The following CLRN1 variants were observed in gnomAD, a reference collection of about 807,000 sequenced individuals.
The protein encoded by CLRN1 is clarin 1.
In CLRN1, 15 loss-of-function variants were observed where a neutral mutation model predicts 18.7. The ratio of observed to expected loss-of-function variants is 0.80; its 90% CI spans 0.54 to 1.23. The LOEUF (loss-of-function observed/expected upper bound fraction) is 1.23. Ranked by LOEUF, CLRN1 falls within the 50% of genes most tolerant of loss-of-function variation. The probability of loss-of-function intolerance (pLI) is 0.00; values close to 1 mark genes in which losing one functional copy is unlikely to be tolerated. For synonymous variants in CLRN1, 104 were observed against 102.9 expected, an observed-to-expected ratio of 1.01 and a Z score of -0.07; for missense variants, 311 against 277.5, an observed-to-expected ratio of 1.12 and a Z score of -0.86.
At chr3:150,969,111 GA>G (rs113531568) in intron 1 of CLRN1, among the ~76,000 whole-genome samples, 9,161 of 136,600 alleles carry the variant, frequency 0.067, 500 homozygotes, top group East Asian at 0.15. Flanking sequence ...ACAGCGTCAA[GA>G]AAAAAAAAAA....
chr3:150,940,386 A>G (rs1713745884), intron 2 of CLRN1: 7 of 1,116,312 alleles, frequency 6.3e-6, no homozygotes, highest in South Asian at 1.7e-5. Flanking sequence ...TGTTAACTAC[A>G]GGCCTTTGTT....
chr3:150,940,665 CAA>C (rs1713765064), intron 2 of CLRN1: 2 of 694,590 alleles, frequency 2.9e-6, no homozygotes, highest in South Asian at 4.3e-5. Context: ...GATCTTTTTG[CAA>C]AGTTAGAATG....
chr3:150,948,030 C>G (rs892999335), intron 1 of CLRN1, among the ~76,000 whole-genome samples: 1 of 152,018 alleles, frequency 6.6e-6, no homozygotes, highest in Non-Finnish European at 1.5e-5. Flanking sequence ...TAGCACAAGA[C>G]AAGAAATAAC....
chr3:150,972,797 A>G, upstream of CLRN1: 1 of 1,581,084 alleles, frequency 6.3e-7, no homozygotes, highest in Non-Finnish European at 8.6e-7. Context: ...TGCATTTATT[A>G]CGGAAGCTGA....
intron 2 of CLRN1, among the ~76,000 whole-genome samples, chr3:150,936,013 T>G (rs1713463946): frequency 6.6e-6 from 1 of 152,060 alleles, no homozygotes; most frequent in African/African-American, 2.4e-5. Context: ...TCTTGTAAAT[T>G]TGTTTGAGTT....
intron 1 of CLRN1, among the ~76,000 whole-genome samples, chr3:150,967,254 G>A (rs1412862611): frequency 1.3e-5 from 2 of 152,200 alleles, no homozygotes; most frequent in Non-Finnish European, 2.9e-5. Flanking sequence ...TTATAATATA[G>A]TTGTTTTGAA....
At chr3:150,929,283 C>A (rs1220002205) in intron 2 of CLRN1, among the ~76,000 whole-genome samples, 1 of 152,216 alleles carries the variant, frequency 6.6e-6, no homozygotes, top group South Asian at 2.1e-4. Context: ...GTGTCTCCCC[C>A]GAAGATGGAC....
At position 150,926,805 on chromosome 3, in the gene CLRN1, T is replaced by C; in HGVS notation, c.*1131A>G. 1 of 1,614,058 alleles carries C rather than the reference T, an allele frequency of 6.2e-7. No individual in the cohort carries two copies. The highest frequency in any genetic ancestry group is 8.5e-7 in the Non-Finnish European group (1 of 1,180,018). On this transcript the variant is annotated 3_prime_UTR_variant, in exon 3 of 3. Transcript: ENST00000327047. Reference sequence around the variant, plus strand: ...CATTCTCTGCTTTTTCCTTGGTGCTTTCTGGAGGACAGCAGGTTGAGGATG... The same window carrying C: ...CATTCTCTGCTTTTTCCTTGGTGCTCTCTGGAGGACAGCAGGTTGAGGATG...
chr3:150,966,305 C>T (rs1457594135), intron 1 of CLRN1, among the ~76,000 whole-genome samples: 1 of 152,148 alleles, frequency 6.6e-6, no homozygotes, highest in East Asian at 1.9e-4. Flanking sequence ...CAGAGTGAGA[C>T]CCAGTCTCAA....
chr3:150,951,364 G>T (rs966601386), intron 1 of CLRN1, among the ~76,000 whole-genome samples: 2 of 151,936 alleles, frequency 1.3e-5, no homozygotes, highest in East Asian at 3.9e-4. Context: ...TTGAGACAGG[G>T]TCTCACTCCA....
At chr3:150,943,329 C>T (rs1203751249) in intron 1 of CLRN1, among the ~76,000 whole-genome samples, 1 of 152,154 alleles carries the variant, frequency 6.6e-6, no homozygotes, top group East Asian at 1.9e-4. Flanking sequence ...TAGAATGTTG[C>T]CTTTTCCAAA....
intron 1 of CLRN1, among the ~76,000 whole-genome samples, chr3:150,952,322 C>G (rs1035926835): frequency 2.0e-5 from 3 of 152,174 alleles, no homozygotes; most frequent in African/African-American, 7.2e-5. Flanking sequence ...CTAAGCGCAG[C>G]TCCCAGTCAG....
rs60393637 is a variant in CLRN1, at chr3:150,944,556, TAA to T, written c.254-2797_254-2796del. Among the ~76,000 whole-genome samples the T allele has an allele frequency of 0.48, 70,967 of 147,000 alleles. 18,047 individuals are homozygous for T. The highest frequency in any genetic ancestry group is 0.6 in the East Asian group (2,954 of 4,950). ...TTGGAGATGGAAGATAGGACTTGTT[TAA>T]AAAAAAAAAAAAGAATCCAGGCCGG... On this transcript the variant is annotated intron_variant, in intron 1 of 2. Coordinates refer to ENST00000327047, the MANE Select transcript of CLRN1 (RefSeq NM_174878.3).
At chr3:150,952,902 A>G (rs1714563290) in intron 1 of CLRN1, among the ~76,000 whole-genome samples, 1 of 152,144 alleles carries the variant, frequency 6.6e-6, no homozygotes, top group Non-Finnish European at 1.5e-5. Flanking sequence ...CAGGACACTA[A>G]TCCCTGCTTG....
At chr3:150,929,664 A>G (rs935407604) in intron 2 of CLRN1, among the ~76,000 whole-genome samples, 35 of 152,184 alleles carry the variant, frequency 2.3e-4, no homozygotes, top group African/African-American at 7.7e-4. Flanking sequence ...TATGGTTTTT[A>G]TGGATTCCTT....
chr3:150,972,426 T>G lies in CLRN1; in HGVS notation c.253+30A>C, dbSNP rs1314038235. 3 of 1,614,080 alleles carry G rather than the reference T, an allele frequency of 1.9e-6. No homozygotes were observed. The South Asian group carries it at 3.3e-5, about 18-fold the overall frequency. On this transcript the variant is annotated intron_variant, in intron 1 of 2. Transcript: ENST00000327047. ...CACTGGGAAGAGTCTGCCTAAAGCATTAAATAACTCAAATGCAATTGCTAC... is the reference window on the plus strand; with the variant it reads ...CACTGGGAAGAGTCTGCCTAAAGCAGTAAATAACTCAAATGCAATTGCTAC...
chr3:150,965,049 TAAAA>T (rs908875883), intron 1 of CLRN1, among the ~76,000 whole-genome samples: 2 of 151,926 alleles, frequency 1.3e-5, no homozygotes, highest in African/African-American at 4.8e-5. Flanking sequence ...TAAAGTATAA[TAAAA>T]AAAACTTTAA....
chr3:150,928,893 A>G (rs1008218411), intron 2 of CLRN1, among the ~76,000 whole-genome samples: 4 of 152,200 alleles, frequency 2.6e-5, no homozygotes. Context: ...TTCTTGAACT[A>G]TACAGGTATT....
chr3:150,939,045 C>T (rs948553761), intron 2 of CLRN1, among the ~76,000 whole-genome samples: 4 of 152,194 alleles, frequency 2.6e-5, no homozygotes, highest in African/African-American at 4.8e-5. Flanking sequence ...GAGCGCTAGA[C>T]GGCTGTTGCT....
Sources: allele counts gnomAD v4.1 joint callset (sites outside exome capture counted in the v4.1 genomes callset), GRCh38; gene constraint gnomAD v4.1.1; transcripts MANE v1.5; gene names NCBI Gene and HGNC (gene_info 2026-07-23, HGNC 2026-07-21).